Variants in XKR7 observed in about 807,000 individuals in gnomAD.
The protein encoded by XKR7 is XK-related protein 7.
In XKR7, 11 loss-of-function variants were observed where a neutral mutation model predicts 42.2. That is an observed-to-expected ratio of 0.26 (90% CI 0.16 to 0.43). The LOEUF is 0.43. Ranked by LOEUF, XKR7 falls within the 20% of genes least tolerant of loss-of-function variation. The pLI is 1.00. For synonymous variants in XKR7, 346 were observed against 366.4 expected, an observed-to-expected ratio of 0.94 and a Z score of 0.64; for missense variants, 710 against 802.2, an observed-to-expected ratio of 0.89 and a Z score of 1.39.
intron 1 of XKR7, among the ~76,000 whole-genome samples, chr20:31,978,109 T>A (rs375623633): frequency 1.3e-4 from 20 of 151,550 alleles, no homozygotes; most frequent in Non-Finnish European, 2.5e-4. Flanking sequence ...TTTTTTTTTT[T>A]ATTTTTTTTG....
At chr20:31,981,125 G>A (rs1316886681) in intron 1 of XKR7, among the ~76,000 whole-genome samples, 1 of 151,318 alleles carries the variant, frequency 6.6e-6, no homozygotes, top group African/African-American at 2.4e-5. Flanking sequence ...TAGCACTTTG[G>A]GAGGCACAGG....
chr20:31,979,867 A>G (rs2064503306), intron 1 of XKR7, among the ~76,000 whole-genome samples: 1 of 152,110 alleles, frequency 6.6e-6, no homozygotes, highest in Non-Finnish European at 1.5e-5. Flanking sequence ...CCTGGGTTTT[A>G]GTCTCTTCTC....
In XKR7 at chr20:31,982,483, C is replaced by T. The variant is rs962499836; in HGVS notation, c.585-12585C>T. Among the ~76,000 whole-genome samples, 15 of 147,440 alleles carry T rather than the reference C, an allele frequency of 1.0e-4. No homozygotes were observed. In the Admixed American group the frequency reaches 1.0e-3, roughly 10 times the overall value. Reference sequence around the variant, plus strand: ...GTTGCAGTGAGCTGAGATCGAGCCACTACACTCCAGCCCAGGCGACAGAGA... The same window carrying T: ...GTTGCAGTGAGCTGAGATCGAGCCATTACACTCCAGCCCAGGCGACAGAGA... On this transcript the variant is annotated intron_variant, in intron 1 of 2. Coordinates refer to ENST00000562532, the MANE Select transcript of XKR7 (RefSeq NM_001011718.2).
intron 1 of XKR7, among the ~76,000 whole-genome samples, chr20:31,989,952 C>T (rs1266284502): frequency 1.3e-5 from 2 of 152,268 alleles, no homozygotes; most frequent in East Asian, 1.9e-4. Context: ...ACACCACCCC[C>T]AATCTGGATT....
At position 31,997,735 on chromosome 20, in the gene XKR7, C is replaced by G. The variant is rs2064602622; in HGVS notation, c.*278C>G. 1 of 438,734 alleles carries G rather than the reference C, an allele frequency of 2.3e-6. No homozygotes were observed. The highest frequency in any genetic ancestry group is 4.1e-6 in the Non-Finnish European group (1 of 244,242). 27.2% of individuals were successfully genotyped at this position (438,734 alleles called of 1,614,324 possible). On this transcript the variant is annotated 3_prime_UTR_variant, in exon 3 of 3. Coordinates refer to ENST00000562532, the MANE Select transcript of XKR7 (RefSeq NM_001011718.2). Reference sequence around the variant, plus strand: ...TACACTTTTCGAGCTGCCCTGCTTTCATGGGGCCTCCACACCTCTCCCCTG... The same window carrying G: ...TACACTTTTCGAGCTGCCCTGCTTTGATGGGGCCTCCACACCTCTCCCCTG...
intron 1 of XKR7, among the ~76,000 whole-genome samples, chr20:31,974,155 T>C (rs2064476041): frequency 6.6e-6 from 1 of 152,016 alleles, no homozygotes. Flanking sequence ...AGTGAGCCAC[T>C]GCACTCCAGC....
At chr20:31,980,556 T>C (rs1568883160) in intron 1 of XKR7, among the ~76,000 whole-genome samples, 1 of 152,208 alleles carries the variant, frequency 6.6e-6, no homozygotes, top group Non-Finnish European at 1.5e-5. Context: ...CATGTGACCT[T>C]GGGCAAGTCA....
In XKR7 at chr20:31,997,758, C is replaced by T. The variant is rs2064602766; in HGVS notation, c.*301C>T. ...TTCATGGGGCCTCCACACCTCTCCC[C>T]TGCCTGGCGTTGCCCATGTGTTGCC... is the stretch of plus-strand genomic sequence containing the variant. On this transcript the variant is annotated 3_prime_UTR_variant, in exon 3 of 3. Transcript: ENST00000562532. The T allele has an allele frequency of 2.6e-6, 1 of 384,252 alleles. No homozygotes were observed. Among genetic ancestry groups the T allele is most frequent in the Non-Finnish European group, 4.7e-6 (1 of 212,130 alleles). 23.8% of individuals were successfully genotyped at this position (384,252 alleles called of 1,614,324 possible).
intron 1 of XKR7, among the ~76,000 whole-genome samples, chr20:31,972,756 T>G (rs779751832): frequency 2.0e-5 from 3 of 152,162 alleles, no homozygotes; most frequent in African/African-American, 4.8e-5. Context: ...GCAATTGGGA[T>G]TTAGGGGCCC....
intron 1 of XKR7, among the ~76,000 whole-genome samples, chr20:31,994,788 A>G (rs2064583337): frequency 1.3e-5 from 2 of 152,166 alleles, no homozygotes; most frequent in South Asian, 4.1e-4. Context: ...CTCCAAAGAA[A>G]GCACGCCCCA....
At chr20:31,975,989 G>A (rs1237146747) in intron 1 of XKR7, among the ~76,000 whole-genome samples, 2 of 152,244 alleles carry the variant, frequency 1.3e-5, no homozygotes, top group East Asian at 1.9e-4. Flanking sequence ...TATGAGCTGT[G>A]TGGCTTTGAG....
chr20:31,986,180 A>C (rs979338942), intron 1 of XKR7, among the ~76,000 whole-genome samples: 11 of 146,278 alleles, frequency 7.5e-5, no homozygotes, highest in Non-Finnish European at 1.2e-4. Context: ...CCAGCATCCA[A>C]GACACAGACA....
Position 32,003,052 on chromosome 20 carries a change from A to G in XKR7, c.*5595A>G, listed in dbSNP as rs2064632498. The G allele has an allele frequency of 6.6e-6, 1 of 152,174 alleles. No homozygotes were observed. The highest frequency in any genetic ancestry group is 2.4e-5 in the African/African-American group (1 of 41,432). 9.4% of individuals were successfully genotyped at this position (152,174 alleles called of 1,614,324 possible). ...CTCCCCTCCATGCCCCTGGAACTCT[A>G]GGAATCACTAGCCATGCCTGAGGGG... On this transcript the variant is annotated 3_prime_UTR_variant, in exon 3 of 3. Transcript: ENST00000562532.
In XKR7 at chr20:31,997,275, G is replaced by T; in HGVS notation, c.1558G>T (p.Gly520Trp). The change falls in exon 3 of 3, where the codon GGG (glycine) becomes TGG (tryptophan). Residue 520 changes from glycine (G) to tryptophan (W), a missense_variant. By Grantham distance (184) the Gly-to-Trp change is radical. Coordinates refer to ENST00000562532, the MANE Select transcript of XKR7 (RefSeq NM_001011718.2). The stretch of plus-strand genomic sequence containing the variant: ...AGTGGCCCGCACCTTGCGGACAGAG[G>T]GGCCTGTCATCCGGATTGACTTGCC... ...TPVARTLRTE[G>W]PVIRIDLPRK... 6.2e-7 allele frequency: 1 copy of T among 1,612,308 alleles called. No individual in the cohort carries two copies. Among genetic ancestry groups the T allele is most frequent in the Non-Finnish European group, 8.5e-7 (1 of 1,180,004 alleles).
chr20:31,982,833 A>C (rs1014917172), intron 1 of XKR7, among the ~76,000 whole-genome samples: 7 of 152,230 alleles, frequency 4.6e-5, no homozygotes, highest in Admixed American at 3.9e-4. Context: ...GCTGTGCCAG[A>C]AACCAAACTT....
chr20:31,997,673 A>C lies in XKR7; in HGVS notation c.*216A>C. ...TTCAGCCTTGTGGCCCATTCCCTAA[A>C]TTCCCCTGACCCAGGGCCTGGGGAA... is the stretch of plus-strand genomic sequence containing the variant. On this transcript the variant is annotated 3_prime_UTR_variant, in exon 3 of 3. Transcript: ENST00000562532. The C allele has an allele frequency of 3.7e-6, 2 of 547,294 alleles. No individual in the cohort carries two copies. The highest frequency in any genetic ancestry group is 3.2e-6 in the Non-Finnish European group (1 of 310,828). The allele number at this position is 547,294 out of a possible 1,614,324, so 33.9% of individuals were successfully genotyped here.
At chr20:31,978,360 T>C (rs1340763343) in intron 1 of XKR7, among the ~76,000 whole-genome samples, 1 of 152,250 alleles carries the variant, frequency 6.6e-6, no homozygotes, top group Non-Finnish European at 1.5e-5. Flanking sequence ...TCCTCCTGCC[T>C]TGGCCTCCCA....
At chr20:31,996,024 C>T (rs1196717725) in intron 2 of XKR7, among the ~76,000 whole-genome samples, 1 of 152,040 alleles carries the variant, frequency 6.6e-6, no homozygotes, top group African/African-American at 2.4e-5. Flanking sequence ...TCCCCATCCC[C>T]GCCCCTCAGC....
chr20:31,996,761 G>T lies in XKR7; in HGVS notation c.1044G>T (p.Thr348=). 1 of 1,614,032 alleles carries T rather than the reference G, an allele frequency of 6.2e-7. No homozygotes were observed. Among genetic ancestry groups the T allele is most frequent in the Non-Finnish European group, 8.5e-7 (1 of 1,180,000 alleles). Residue 348 remains threonine, a synonymous_variant, in exon 3 of 3, where the codon ACG becomes ACT. Transcript: ENST00000562532. ...CCTTCTGGGTCATCCAAGGGGAGAC[G>T]GACTTCTGCATGTCCAAGTGGGAGG... ...VMTFWVIQGE[T]DFCMSKWEEI...
Sources: gnomAD v4.1 joint callset for allele counts (sites outside exome capture counted in the v4.1 genomes callset) on GRCh38, gnomAD v4.1.1 for gene constraint, MANE v1.5 for transcripts, NCBI Gene and HGNC (gene_info 2026-07-23, HGNC 2026-07-21) for gene names.